VPS39: variants seen among roughly 807,000 people sequenced by gnomAD.
The protein encoded by VPS39 is VPS39 subunit of HOPS complex.
Under a neutral mutation model 121.0 loss-of-function variants are expected in VPS39, and 70 were observed. The observed-to-expected ratio is 0.58, with a 90% CI of 0.48 to 0.71. VPS39 has a LOEUF of 0.71. Ranked by LOEUF, VPS39 falls within the 30% of genes least tolerant of loss-of-function variation. The pLI is 0.00. For missense variants in VPS39, 818 were observed against 1,051.5 expected (o/e 0.78, Z 3.07); for synonymous variants, 378 against 398.1 (o/e 0.95, Z 0.60).
intron 8 of VPS39, among the ~76,000 whole-genome samples, chr15:42,182,216 T>C (rs905354480): frequency 6.6e-6 from 1 of 152,236 alleles, no homozygotes; most frequent in Non-Finnish European, 1.5e-5. Context: ...TAAAAGCATA[T>C]TGTTTTATAT....
At chr15:42,177,162 TAAAAAAA>T (rs369967285) in intron 10 of VPS39, among the ~76,000 whole-genome samples, 1 of 56,414 alleles carries the variant, frequency 1.8e-5, no homozygotes, top group Non-Finnish European at 3.6e-5. Context: ...GACCCTGTTT[TAAAAAAA>T]AAAAAAAAAA....
chr15:42,200,882 G>T lies in VPS39; in HGVS notation c.74-921C>A, dbSNP rs1408514277. On this transcript the variant is annotated intron_variant, in intron 1 of 24. Coordinates refer to ENST00000318006, the MANE Select transcript of VPS39 (RefSeq NM_015289.5). ...ATATTAGCTAACAATGAAAAGAAAGGAAGTATGGATATATGCTACAACACA... is the reference window on the plus strand; with the variant it reads ...ATATTAGCTAACAATGAAAAGAAAGTAAGTATGGATATATGCTACAACACA... Among the ~76,000 whole-genome samples, 4 of 152,168 alleles carry T rather than the reference G, an allele frequency of 2.6e-5. No individual in the cohort carries two copies. The East Asian group carries it at 7.7e-4, about 29-fold the overall frequency.
rs1228455327 is a variant in VPS39 at position 42,169,790 on chromosome 15, T to TG, written c.1166dup (p.Leu390IlefsTer8). The TG allele has an allele frequency of 6.2e-7, 1 of 1,614,088 alleles. No homozygotes were observed. ...ATTCAGCCCCGGAGAGCACAGGCAA[T>TG]GGGTTGGGATACTGCAACTGCTTTC... On this transcript the variant is annotated frameshift_variant, in exon 12 of 25. Coordinates refer to ENST00000318006, the MANE Select transcript of VPS39 (RefSeq NM_015289.5). LOFTEE classifies it high-confidence loss of function.
chr15:42,199,236 T>TA (rs1299057991), intron 2 of VPS39, among the ~76,000 whole-genome samples: 1 of 152,112 alleles, frequency 6.6e-6, no homozygotes, highest in African/African-American at 2.4e-5. Context: ...TCTGCCCCAA[T>TA]AAAAAACACT....
intron 12 of VPS39, 77 bp from the exon 13 acceptor site, chr15:42,167,614 T>C: frequency 6.4e-7 from 1 of 1,562,190 alleles, no homozygotes; most frequent in Non-Finnish European, 8.7e-7. Context: ...TAATTCTGAA[T>C]ACCTCCAATC....
intron 2 of VPS39, among the ~76,000 whole-genome samples, chr15:42,198,155 GT>G (rs1331633175): frequency 6.6e-6 from 1 of 152,152 alleles, no homozygotes; most frequent in Non-Finnish European, 1.5e-5. Context: ...TCTATACTGT[GT>G]TGAGACTTCA....
At chr15:42,161,496 T>C in intron 24 of VPS39, 186 bp downstream of exon 24, 1 of 736,544 alleles carries the variant, frequency 1.4e-6, no homozygotes, top group Non-Finnish European at 2.5e-6. Context: ...GTCTTTAAAT[T>C]CTCGAAGCCC....
At chr15:42,201,582 G>A (rs546357971) in intron 1 of VPS39, among the ~76,000 whole-genome samples, 1 of 152,306 alleles carries the variant, frequency 6.6e-6, no homozygotes, top group East Asian at 1.9e-4. Flanking sequence ...CTACCCCGGA[G>A]CATCTGATTT....
At chr15:42,161,862 T>G in intron 23 of VPS39, 89 bp from the exon 24 acceptor site, 2 of 1,589,826 alleles carry the variant, frequency 1.3e-6, no homozygotes. Flanking sequence ...CCTCTTTCAG[T>G]CGTCACAGAT....
At chr15:42,164,007 A>G (rs2049192272) in intron 19 of VPS39, among the ~76,000 whole-genome samples, 1 of 152,220 alleles carries the variant, frequency 6.6e-6, no homozygotes, top group South Asian at 2.1e-4. Flanking sequence ...ACAACATGCT[A>G]GGTGGTTCAG....
chr15:42,194,402 AG>A (rs1459647947), intron 2 of VPS39, among the ~76,000 whole-genome samples: 1 of 152,144 alleles, frequency 6.6e-6, no homozygotes, highest in African/African-American at 2.4e-5. Flanking sequence ...TGAACCTGGG[AG>A]GGGGAGGTTG....
chr15:42,187,275 A>AT lies in VPS39; in HGVS notation c.529dup (p.Ile177AsnfsTer37). On this transcript the variant is annotated frameshift_variant, in exon 7 of 25. Transcript: ENST00000318006. LOFTEE classifies it high-confidence loss of function. The stretch of plus-strand genomic sequence containing the variant: ...TGCAAAATAATAAGATTTTACCCTT[A>AT]TTAGGTAGTAGTCTCTCTTGAAACC... The AT allele has an allele frequency of 6.2e-7, 1 of 1,604,980 alleles. No homozygotes were observed.
chr15:42,170,981 C>A (rs1414619601), intron 11 of VPS39, among the ~76,000 whole-genome samples: 1 of 152,056 alleles, frequency 6.6e-6, no homozygotes, highest in Non-Finnish European at 1.5e-5. Context: ...CAATCCTCTT[C>A]TCTTTGGTCT....
At chr15:42,189,555 C>T (rs985269228) in intron 4 of VPS39, among the ~76,000 whole-genome samples, 1 of 151,782 alleles carries the variant, frequency 6.6e-6, no homozygotes, top group Non-Finnish European at 1.5e-5. Flanking sequence ...ACAGTGAAAC[C>T]CTGTCTCTAC....
At chr15:42,165,224 A>C in intron 17 of VPS39, 111 bp from the exon 18 acceptor site, 9 of 992,508 alleles carry the variant, frequency 9.1e-6, no homozygotes, top group African/African-American at 3.2e-5. Flanking sequence ...TTATCCCCTA[A>C]TCGGGCTGCA....
chr15:42,175,204 G>A (rs1310435140), intron 10 of VPS39, among the ~76,000 whole-genome samples: 1 of 151,664 alleles, frequency 6.6e-6, no homozygotes, highest in African/African-American at 2.4e-5. Context: ...ATGAGGTCAG[G>A]AAAGACCATC....
rs759934227 is a variant in VPS39, at chr15:42,165,736, A to C, written c.1761T>G (p.Gly587=). Residue 587 remains glycine (G), a synonymous_variant, in exon 17 of 25, where the codon GGT becomes GGG. Coordinates refer to ENST00000318006, the MANE Select transcript of VPS39 (RefSeq NM_015289.5). ...ACCTTACCAGATAAGGAATAGCCAG[A>C]CCCTTAAAATTCTCTATTAAGAAGC... ...VLGFLIENFK[G]LAIPYLEHII... is the part of the protein sequence containing the mutation. 8.7e-6 allele frequency: 14 copies of C among 1,614,094 alleles called. No individual in the cohort carries two copies. Among genetic ancestry groups the C allele is most frequent in the Non-Finnish European group, 1.1e-5 (13 of 1,179,974 alleles).
chr15:42,178,601 C>G, intron 8 of VPS39, 31 bp from the exon 9 acceptor site: 1 of 1,612,358 alleles, frequency 6.2e-7, no homozygotes, highest in Non-Finnish European at 8.5e-7. Flanking sequence ...AGCAGTTGTT[C>G]CGGTCTAAGG....
chr15:42,178,371 T>C, intron 9 of VPS39, 33 bp from the exon 10 acceptor site: 1 of 1,613,986 alleles, frequency 6.2e-7, no homozygotes, highest in Non-Finnish European at 8.5e-7. Flanking sequence ...TAGCAAAAGA[T>C]CACAGGCTTT....
Sources: gnomAD v4.1 joint callset for allele counts (sites outside exome capture counted in the v4.1 genomes callset) on GRCh38, gnomAD v4.1.1 for gene constraint, MANE v1.5 for transcripts, NCBI Gene and HGNC (gene_info 2026-07-23, HGNC 2026-07-21) for gene names.